CPEB4: variants seen among roughly 807,000 people sequenced by gnomAD.
The protein encoded by CPEB4 is cytoplasmic polyadenylation element-binding protein 4.
Under a neutral mutation model 72.5 loss-of-function variants are expected in CPEB4, and 12 were observed. The observed-to-expected ratio is 0.17, with a 90% CI of 0.11 to 0.27. The LOEUF (loss-of-function observed/expected upper bound fraction) is 0.27. CPEB4 is among the 10% of genes least tolerant of loss of function. The probability of loss-of-function intolerance (pLI) is 1.00; values close to 1 mark genes in which losing one functional copy is unlikely to be tolerated. For missense variants in CPEB4, 614 were observed against 908.5 expected (o/e 0.68, Z 4.17); for synonymous variants, 302 against 326.3 (o/e 0.93, Z 0.80).
intron 2 of CPEB4, among the ~76,000 whole-genome samples, chr5:173,918,418 A>G (rs1756955689): frequency 6.6e-6 from 1 of 152,130 alleles, no homozygotes; most frequent in South Asian, 2.1e-4. Flanking sequence ...TTGAGCTTAC[A>G]AAGGTGTGGA....
intron 1 of CPEB4, among the ~76,000 whole-genome samples, chr5:173,904,395 A>G (rs1756349143): frequency 6.6e-6 from 1 of 152,340 alleles, no homozygotes; most frequent in South Asian, 2.1e-4. Context: ...AGATGCATTT[A>G]TGATGGGTCT....
At chr5:173,904,460 C>G (rs1756351562) in intron 1 of CPEB4, among the ~76,000 whole-genome samples, 1 of 152,118 alleles carries the variant, frequency 6.6e-6, no homozygotes, top group Admixed American at 6.5e-5. Flanking sequence ...TAAGATTTCT[C>G]TTTCTCTTCT....
chr5:173,916,417 T>C (rs1756870853), intron 2 of CPEB4, among the ~76,000 whole-genome samples: 1 of 152,180 alleles, frequency 6.6e-6, no homozygotes, highest in African/African-American at 2.4e-5. Context: ...CATATCCCCA[T>C]GGTGCCCAGG....
chr5:173,911,635 A>C (rs1209010459), intron 2 of CPEB4, among the ~76,000 whole-genome samples: 1 of 151,958 alleles, frequency 6.6e-6, no homozygotes, highest in Non-Finnish European at 1.5e-5. Flanking sequence ...TATCTCACAA[A>C]ATAAAACATT....
At chr5:173,918,474 GTTTTTGTCTTTGGGT>G (rs768244788) in intron 2 of CPEB4, among the ~76,000 whole-genome samples, 3 of 152,148 alleles carry the variant, frequency 2.0e-5, no homozygotes, top group Non-Finnish European at 4.4e-5. Context: ...GGTTGCTGTT[GTTTTTGTCTTTGGGT>G]TTTTATAAGG....
intron 3 of CPEB4, among the ~76,000 whole-genome samples, chr5:173,938,085 C>T (rs1561626084): frequency 6.6e-6 from 1 of 152,084 alleles, no homozygotes; most frequent in African/African-American, 2.4e-5. Context: ...CATCTTTATT[C>T]TTTTGTTCAC....
chr5:173,949,703 C>T, intron 6 of CPEB4, 106 bp downstream of exon 6: 1 of 795,964 alleles, frequency 1.3e-6, no homozygotes, highest in Non-Finnish European at 2.0e-6. Flanking sequence ...CATTGTTAAA[C>T]TTGCATTTTC....
At chr5:173,891,274 C>T (rs1755802190) in intron 1 of CPEB4, 1 of 151,766 alleles carries the variant, frequency 6.6e-6, no homozygotes, top group South Asian at 2.2e-4. Flanking sequence ...TTTCTTTTGA[C>T]ACTATAAGGT....
chr5:173,888,751 G>A lies in CPEB4; in HGVS notation c.-983G>A. On this transcript the variant is annotated 5_prime_UTR_variant, in exon 1 of 10. Coordinates refer to ENST00000265085, the MANE Select transcript of CPEB4 (RefSeq NM_030627.4). This position sits in a 1 kb window ranked among gnomAD's most constrained non-coding sequence, Gnocchi z 4.3. ...AGGGAACTGAACAAACCGCCCCTGGGTCCCATGAGGGAAAAAAACCCCGGA... is the reference window on the plus strand; with the variant it reads ...AGGGAACTGAACAAACCGCCCCTGGATCCCATGAGGGAAAAAAACCCCGGA... The A allele has an allele frequency of 2.6e-6, 1 of 383,608 alleles. No individual in the cohort carries two copies. The highest frequency in any genetic ancestry group is 4.6e-6 in the Non-Finnish European group (1 of 216,884). 23.8% of individuals were successfully genotyped at this position (383,608 alleles called of 1,614,324 possible). A position where few individuals can be genotyped will look rare whatever the true frequency, so the allele number is the denominator to read the frequency against.
At chr5:173,909,609 A>G (rs1056239017) in intron 1 of CPEB4, among the ~76,000 whole-genome samples, 2 of 152,170 alleles carry the variant, frequency 1.3e-5, no homozygotes, top group Admixed American at 6.6e-5. Context: ...TTTTAAAAAC[A>G]AATCTTCAGA....
chr5:173,895,300 C>G (rs1167765862), intron 1 of CPEB4, among the ~76,000 whole-genome samples: 1 of 152,200 alleles, frequency 6.6e-6, no homozygotes, highest in Non-Finnish European at 1.5e-5. Context: ...GTGCCTGGAT[C>G]TTCTATCCTT....
chr5:173,895,242 G>A (rs1246499141), intron 1 of CPEB4, among the ~76,000 whole-genome samples: 1 of 152,116 alleles, frequency 6.6e-6, no homozygotes, highest in Non-Finnish European at 1.5e-5. Context: ...ATAATATATT[G>A]GGGCACCTGC....
Position 173,939,103 on chromosome 5 carries a change from A to T in CPEB4, c.1259-3923A>T, listed in dbSNP as rs147200021. On this transcript the variant is annotated intron_variant, in intron 3 of 9. Transcript: ENST00000265085. Reference sequence around the variant, plus strand: ...AGGAGTTGAGACCAGCCTGGGCAACATGGCAAAACCCCATCTCTATAAAAA... The same window carrying T: ...AGGAGTTGAGACCAGCCTGGGCAACTTGGCAAAACCCCATCTCTATAAAAA... Among the ~76,000 whole-genome samples the T allele has an allele frequency of 4.1e-3, 628 of 152,314 alleles. 4 individuals carry two copies. The highest frequency in any genetic ancestry group is 0.014 in the African/African-American group (597 of 41,566).
chr5:173,902,717 T>C (rs1316498567), intron 1 of CPEB4, among the ~76,000 whole-genome samples: 1 of 152,210 alleles, frequency 6.6e-6, no homozygotes, highest in Non-Finnish European at 1.5e-5. Flanking sequence ...TTTCTAATCA[T>C]GGGGCGTTGA....
intron 3 of CPEB4, among the ~76,000 whole-genome samples, chr5:173,935,814 G>C (rs1294277746): frequency 6.6e-6 from 1 of 152,106 alleles, no homozygotes; most frequent in Non-Finnish European, 1.5e-5. Context: ...GTTTTCAGTG[G>C]TTTATATTGG....
At chr5:173,913,851 CTG>C (rs1191565849) in intron 2 of CPEB4, among the ~76,000 whole-genome samples, 1 of 152,216 alleles carries the variant, frequency 6.6e-6, no homozygotes, top group African/African-American at 2.4e-5. Context: ...AACGGCCACT[CTG>C]TCACTACAGT....
At chr5:173,911,346 T>C (rs1756651657) in intron 2 of CPEB4, among the ~76,000 whole-genome samples, 1 of 151,552 alleles carries the variant, frequency 6.6e-6, no homozygotes, top group Non-Finnish European at 1.5e-5. Flanking sequence ...CACTGCAAGC[T>C]CCGCCTCCCA....
At chr5:173,913,343 G>A (rs1055522592) in intron 2 of CPEB4, among the ~76,000 whole-genome samples, 10 of 151,966 alleles carry the variant, frequency 6.6e-5, no homozygotes, top group African/African-American at 1.5e-4. Flanking sequence ...GACTACAGGC[G>A]CCTGCCACCA....
intron 1 of CPEB4, among the ~76,000 whole-genome samples, chr5:173,901,409 G>T (rs917107714): frequency 1.3e-5 from 2 of 152,210 alleles, no homozygotes; most frequent in African/African-American, 4.8e-5. Flanking sequence ...ACTGATTGAA[G>T]AGGGAACTTG....
Sources: gnomAD v4.1 joint callset for allele counts (sites outside exome capture counted in the v4.1 genomes callset) on GRCh38, gnomAD v4.1.1 for gene constraint, Gnocchi (gnomAD v3.1) non-coding constraint, MANE v1.5 for transcripts, NCBI Gene and HGNC (gene_info 2026-07-23, HGNC 2026-07-21) for gene names.